PCDH7: variants seen among roughly 807,000 people sequenced by gnomAD.
PCDH7 encodes protocadherin 7, also known as protocadherin-7.
Under a neutral mutation model 58.9 loss-of-function variants are expected in PCDH7, and 17 were observed. That is an observed-to-expected ratio of 0.29 (90% CI 0.20 to 0.43). PCDH7 has a LOEUF of 0.43. PCDH7 is among the 20% of genes least tolerant of loss of function. The pLI is 1.00. For missense variants in PCDH7, 1,274 were observed against 1,441.0 expected (o/e 0.88, Z 1.88); for synonymous variants, 664 against 616.4 (o/e 1.08, Z -1.14).
exon 1 of PCDH7, chr4:30,724,445 A>G: frequency 6.2e-7 from 1 of 1,614,116 alleles, no homozygotes; most frequent in Non-Finnish European, 8.5e-7. Flanking sequence ...GTTCAGCTTC[A>G]TCCCCAGTCA....
chr4:30,791,599 G>C (rs1724129631), intron 1 of PCDH7, among the ~76,000 whole-genome samples: 1 of 152,140 alleles, frequency 6.6e-6, no homozygotes, highest in Non-Finnish European at 1.5e-5. Flanking sequence ...AGATAACCCT[G>C]ATCCTTCAAT....
chr4:30,849,352 G>A (rs1371041171), intron 1 of PCDH7, among the ~76,000 whole-genome samples: 2 of 149,320 alleles, frequency 1.3e-5, no homozygotes, highest in Non-Finnish European at 3.0e-5. Flanking sequence ...TTACCTGTAA[G>A]ATCACAACAT....
At chr4:31,122,408 A>C (rs1297818664) in intron 3 of PCDH7, among the ~76,000 whole-genome samples, 2 of 152,116 alleles carry the variant, frequency 1.3e-5, no homozygotes, top group Non-Finnish European at 2.9e-5. Context: ...TTTAAAAGAC[A>C]AGTCTTCTCA....
chr4:30,866,529 G>A (rs1734900766), intron 1 of PCDH7, among the ~76,000 whole-genome samples: 3 of 151,908 alleles, frequency 2.0e-5, no homozygotes, highest in African/African-American at 7.3e-5. Context: ...TTGCTGTAAC[G>A]TTAGAGCAAA....
chr4:30,981,353 G>A (rs1455942325), intron 3 of PCDH7, among the ~76,000 whole-genome samples: 1 of 152,096 alleles, frequency 6.6e-6, no homozygotes, highest in Admixed American at 6.5e-5. Context: ...TAAGTTTATT[G>A]ACAGTAGATT....
intron 3 of PCDH7, among the ~76,000 whole-genome samples, chr4:31,093,044 A>G (rs974210151): frequency 6.6e-6 from 1 of 152,070 alleles, no homozygotes; most frequent in Admixed American, 6.6e-5. Context: ...GTGCGTCTGC[A>G]TCTATCCACC....
intron 3 of PCDH7, among the ~76,000 whole-genome samples, chr4:31,078,639 ATTTTTTTTTT>A (rs10709152): frequency 4.1e-5 from 3 of 73,570 alleles, no homozygotes; most frequent in African/African-American, 1.0e-4. Context: ...ACCATGCCCC[ATTTTTTTTTT>A]TTTTTTTTTT....
chr4:31,128,565 A>G (rs1009085081), intron 3 of PCDH7, among the ~76,000 whole-genome samples: 1 of 152,172 alleles, frequency 6.6e-6, no homozygotes, highest in East Asian at 1.9e-4. Context: ...TTATTCTTAA[A>G]AGACATGTAT....
chr4:30,817,946 A>G (rs1423339110), intron 1 of PCDH7, among the ~76,000 whole-genome samples: 2 of 152,246 alleles, frequency 1.3e-5, no homozygotes, highest in East Asian at 1.9e-4. Flanking sequence ...AAAAGCTTCA[A>G]GGTCCTACAG....
At chr4:31,075,214 G>T (rs1758887182) in intron 3 of PCDH7, among the ~76,000 whole-genome samples, 1 of 152,012 alleles carries the variant, frequency 6.6e-6, no homozygotes, top group Non-Finnish European at 1.5e-5. Context: ...CTATAATCAT[G>T]AATATGACCT....
chr4:30,830,593 T>C (rs528998780), intron 1 of PCDH7, among the ~76,000 whole-genome samples: 14 of 152,214 alleles, frequency 9.2e-5, no homozygotes, highest in African/African-American at 3.4e-4. Context: ...TTTTTCTTCA[T>C]TTATCTTGAC....
intron 1 of PCDH7, among the ~76,000 whole-genome samples, chr4:30,746,318 A>G (rs1391538262): frequency 1.3e-5 from 2 of 152,230 alleles, no homozygotes; most frequent in African/African-American, 4.8e-5. Flanking sequence ...TGTAAAAGAT[A>G]GTAAACAAAA....
intron 3 of PCDH7, among the ~76,000 whole-genome samples, chr4:31,039,917 A>G (rs1440729562): frequency 6.6e-6 from 1 of 152,122 alleles, no homozygotes; most frequent in African/African-American, 2.4e-5. Flanking sequence ...TCAAACTAAG[A>G]TTGTTCTCCC....
At chr4:30,856,708 AT>A (rs1313964594) in intron 1 of PCDH7, among the ~76,000 whole-genome samples, 2,280 of 140,088 alleles carry the variant, frequency 0.016, 35 homozygotes, top group African/African-American at 0.049. Context: ...AAAAAAAAAA[AT>A]ATATATATAT....
At chr4:30,972,790 C>T (rs1257243871) in intron 3 of PCDH7, among the ~76,000 whole-genome samples, 1 of 152,172 alleles carries the variant, frequency 6.6e-6, no homozygotes, top group Non-Finnish European at 1.5e-5. Flanking sequence ...CTCAACTGTA[C>T]CCCACCCCAC....
At chr4:31,123,508 G>A (rs944582603) in intron 3 of PCDH7, among the ~76,000 whole-genome samples, 4 of 152,172 alleles carry the variant, frequency 2.6e-5, no homozygotes, top group Admixed American at 2.0e-4. Context: ...CAGGGCAAGT[G>A]CCTTTGGGCG....
chr4:30,882,059 T>C (rs1737037352), intron 1 of PCDH7, among the ~76,000 whole-genome samples: 1 of 151,634 alleles, frequency 6.6e-6, no homozygotes, highest in African/African-American at 2.4e-5. Context: ...TTCCTCCTCC[T>C]CTTCCTACCT....
intron 1 of PCDH7, among the ~76,000 whole-genome samples, chr4:30,805,856 A>G (rs1009629178): frequency 6.6e-6 from 1 of 152,216 alleles, no homozygotes; most frequent in Non-Finnish European, 1.5e-5. Flanking sequence ...GCTTCTTACA[A>G]TACATTCTCC....
chr4:31,129,259 A>T (rs1395006205), intron 3 of PCDH7, among the ~76,000 whole-genome samples: 1 of 152,212 alleles, frequency 6.6e-6, no homozygotes, highest in African/African-American at 2.4e-5. Flanking sequence ...TAGGCATAGG[A>T]TGAAGACCAA....
Sources: gnomAD v4.1 joint callset for allele counts (sites outside exome capture counted in the v4.1 genomes callset) on GRCh38, gnomAD v4.1.1 for gene constraint, MANE v1.5 for transcripts, NCBI Gene and HGNC (gene_info 2026-07-23, HGNC 2026-07-21) for gene names.